The following SAP130 variants were observed in gnomAD, a reference collection of about 807,000 sequenced individuals.
SAP130 encodes histone deacetylase complex subunit SAP130.
Under a neutral mutation model 103.2 loss-of-function variants are expected in SAP130, and 16 were observed. That is an observed-to-expected ratio of 0.16 (90% CI 0.10 to 0.24). The LOEUF (loss-of-function observed/expected upper bound fraction) is 0.24. SAP130 is among the 10% of genes least tolerant of loss of function. SAP130 has a pLI of 1.00. For missense variants in SAP130, 990 were observed against 1,359.7 expected, an observed-to-expected ratio of 0.73 and a Z score of 4.28; for synonymous variants, 477 against 497.0, an observed-to-expected ratio of 0.96 and a Z score of 0.53.
intron 18 of SAP130, among the ~76,000 whole-genome samples, chr2:127,947,980 AG>A (rs56932393): frequency 0.76 from 115,326 of 151,982 alleles, 45,849 homozygotes; most frequent in Non-Finnish European, 0.88. Flanking sequence ...AGTAGGGACG[AG>A]GTTTCACCAT....
At chr2:128,012,569 T>C (rs944028070) in intron 6 of SAP130, among the ~76,000 whole-genome samples, 5 of 152,184 alleles carry the variant, frequency 3.3e-5, no homozygotes, top group Admixed American at 3.3e-4. Context: ...ATAGATACTA[T>C]ATTTCCTGCA....
At chr2:128,027,865 ACGCTG>A (rs1318766203) in intron 1 of SAP130, 70 bp downstream of exon 1, 1 of 912,026 alleles carries the variant, frequency 1.1e-6, no homozygotes, top group African/African-American at 1.8e-5. Context: ...AACGGGACGG[ACGCTG>A]CAGCCCGGCT....
chr2:127,981,302 G>C (rs1681859251), intron 14 of SAP130, among the ~76,000 whole-genome samples: 1 of 145,998 alleles, frequency 6.8e-6, no homozygotes, highest in African/African-American at 2.5e-5. Flanking sequence ...CCCTGACCCA[G>C]TCCTCCTGCA....
chr2:128,001,681 G>C (rs964868911), intron 7 of SAP130, among the ~76,000 whole-genome samples: 1 of 152,108 alleles, frequency 6.6e-6, no homozygotes, highest in Non-Finnish European at 1.5e-5. Context: ...TACAAACTAG[G>C]AGCAATAGTT....
In SAP130 at chr2:127,993,229, T is replaced by C. The variant is rs761237264; in HGVS notation, c.1435A>G (p.Thr479Ala). 1 of 1,613,886 alleles carries C rather than the reference T, an allele frequency of 6.2e-7. No individual in the cohort carries two copies. The highest frequency in any genetic ancestry group is 8.5e-7 in the Non-Finnish European group (1 of 1,179,954). ...SAYPLAAHTY[T>A]PITSSVSTIR... ...GTGGACACGGAACTGGTGATTGGGG[T>C]GTAGGTATGTGCCGCCAGTGGGTAT... Residue 479 changes from threonine (T) to alanine (A), a missense_variant, in exon 12 of 21, where the codon ACC becomes GCC. Physicochemically the swap from Thr to Ala is moderately conservative, Grantham distance 58 (BLOSUM62 0). This residue lies in a region of SAP130 where 336 missense variants were observed against 520.1 expected (regional missense o/e 0.65). Coordinates refer to ENST00000643581, the MANE Select transcript of SAP130 (RefSeq NM_001330301.2).
At chr2:127,995,763 A>T (rs1156896628) in intron 11 of SAP130, among the ~76,000 whole-genome samples, 1 of 152,194 alleles carries the variant, frequency 6.6e-6, no homozygotes, top group African/African-American at 2.4e-5. Flanking sequence ...AGTAGAAAAA[A>T]CCAGCAAACA....
chr2:127,999,993 A>G, intron 9 of SAP130, 63 bp downstream of exon 9: 1 of 1,533,828 alleles, frequency 6.5e-7, no homozygotes, highest in Admixed American at 1.7e-5. Flanking sequence ...GAAATGAAAA[A>G]TTAACCCATC....
chr2:127,999,759 T>G lies in SAP130; in HGVS notation c.1195A>C (p.Thr399Pro). 1 of 1,513,864 alleles carries G rather than the reference T, an allele frequency of 6.6e-7. No individual in the cohort carries two copies. The highest frequency in any genetic ancestry group is 2.3e-5 in the East Asian group (1 of 43,936). 93.8% of individuals were successfully genotyped at this position (1,513,864 alleles called of 1,614,324 possible). Reference sequence around the variant, plus strand: ...CACTTACCGACTGGGATGTTTGAGGTGGTCACAGCAGTAGCATGGGAGGAA... The same window carrying G: ...CACTTACCGACTGGGATGTTTGAGGGGGTCACAGCAGTAGCATGGGAGGAA... ...SHSSHATAVT[T>P]SNIPVAKVVP... Residue 399 changes from threonine (T) to proline (P), a missense_variant, in exon 10 of 21, where the codon ACC (threonine) becomes CCC (proline). This residue lies in a region of SAP130 where 336 missense variants were observed against 520.1 expected (regional missense o/e 0.65). Transcript: ENST00000643581.
chr2:127,949,802 T>C (rs1679368268), intron 18 of SAP130, 67 bp downstream of exon 18: 1 of 1,519,206 alleles, frequency 6.6e-7, no homozygotes, highest in African/African-American at 1.4e-5. Context: ...TCTGTTTTTC[T>C]CTTCTATTTT....
At chr2:127,959,906 G>C (rs1680118519) in intron 15 of SAP130, among the ~76,000 whole-genome samples, 1 of 152,100 alleles carries the variant, frequency 6.6e-6, no homozygotes, top group South Asian at 2.1e-4. Flanking sequence ...AAATAAGACG[G>C]TCTTGCTGTG....
chr2:128,021,561 T>C (rs1013605940), intron 2 of SAP130, among the ~76,000 whole-genome samples: 1 of 152,240 alleles, frequency 6.6e-6, no homozygotes, highest in Non-Finnish European at 1.5e-5. Flanking sequence ...AATTTTGATC[T>C]ATAAAACCTC....
chr2:127,978,756 A>G (rs1267303184), intron 14 of SAP130, among the ~76,000 whole-genome samples: 1 of 152,212 alleles, frequency 6.6e-6, no homozygotes, highest in South Asian at 2.1e-4. Context: ...TAACATCTCA[A>G]AAAGGGTGAG....
intron 15 of SAP130, among the ~76,000 whole-genome samples, chr2:127,969,794 T>C (rs185715084): frequency 4.1e-4 from 63 of 152,334 alleles, no homozygotes; most frequent in African/African-American, 1.4e-3. Context: ...TTCCCCTTTT[T>C]CTAAGAATAC....
chr2:127,945,618 G>T, intron 18 of SAP130, 59 bp from the exon 19 acceptor site: 1 of 1,076,110 alleles, frequency 9.3e-7, no homozygotes, highest in Non-Finnish European at 1.4e-6. Flanking sequence ...TAAATGATTT[G>T]TGTTCGAGCA....
chr2:127,999,948 T>C, intron 9 of SAP130, 103 bp from the exon 10 acceptor site: 2 of 1,452,030 alleles, frequency 1.4e-6, no homozygotes, highest in Non-Finnish European at 1.9e-6. Context: ...TAAGAGAATT[T>C]TTCTAGCCCG....
At position 127,986,970 on chromosome 2, in the gene SAP130, A is replaced by G. The variant is rs1281980893; in HGVS notation, c.1781-8T>C. The G allele has an allele frequency of 6.2e-7, 1 of 1,605,170 alleles. No individual in the cohort carries two copies. Among genetic ancestry groups the G allele is most frequent in the Admixed American group, 1.7e-5 (1 of 59,696 alleles). ...CATCTGCCAACACCACTGCTACAGG[A>G]GAGAGGCAACAGGAAAGAACATTGA... is the stretch of plus-strand genomic sequence containing the variant. On this transcript the variant is annotated splice_region_variant and splice_polypyrimidine_tract_variant and intron_variant, in intron 13 of 20. Coordinates refer to ENST00000643581, the MANE Select transcript of SAP130 (RefSeq NM_001330301.2). This position sits in a 1 kb window ranked among gnomAD's most constrained non-coding sequence, Gnocchi z 4.7.
intron 1 of SAP130, among the ~76,000 whole-genome samples, chr2:128,027,508 A>G (rs1685605889): frequency 6.6e-6 from 1 of 151,826 alleles, no homozygotes. Context: ...CCCCCGGCGA[A>G]GGGGGCGGGG....
chr2:127,985,899 G>A (rs1367069872), intron 14 of SAP130, among the ~76,000 whole-genome samples: 1 of 151,928 alleles, frequency 6.6e-6, no homozygotes, highest in Non-Finnish European at 1.5e-5. Context: ...AGGACAGCAA[G>A]GGGAGCATGC....
intron 14 of SAP130, among the ~76,000 whole-genome samples, chr2:127,979,820 T>C (rs956140899): frequency 3.9e-5 from 6 of 152,000 alleles, no homozygotes; most frequent in Non-Finnish European, 7.4e-5. Context: ...AGCCAAGAGC[T>C]GATAAGCTGA....
Sources: allele counts gnomAD v4.1 joint callset (sites outside exome capture counted in the v4.1 genomes callset), GRCh38; gene constraint gnomAD v4.1.1; regional missense constraint gnomAD v4.1.1; non-coding constraint Gnocchi (gnomAD v3.1); transcripts MANE v1.5; gene names NCBI Gene and HGNC (gene_info 2026-07-23, HGNC 2026-07-21).